RBPJ: variants seen among roughly 807,000 people sequenced by gnomAD.
RBPJ encodes recombination signal binding protein for immunoglobulin kappa J region.
RBPJ carries 9 observed loss-of-function variants against 67.8 expected under a neutral mutation model. The observed-to-expected ratio is 0.13, with a 90% confidence interval of 0.08 to 0.23. RBPJ has a LOEUF of 0.23. Ranked by LOEUF, RBPJ falls within the 10% of genes least tolerant of loss-of-function variation. The pLI is 1.00. For missense variants in RBPJ, 305 were observed against 595.6 expected, an observed-to-expected ratio of 0.51 and a Z score of 5.08; for synonymous variants, 198 against 203.3, an observed-to-expected ratio of 0.97 and a Z score of 0.22.
intron 1 of RBPJ, among the ~76,000 whole-genome samples, chr4:26,311,364 C>T (rs1012497393): frequency 3.9e-5 from 6 of 152,032 alleles, no homozygotes; most frequent in Admixed American, 6.6e-5. Context: ...TGATCAATTC[C>T]TATCTCTACT....
At chr4:26,107,735 TAAA>T in the RBPJ span, among the ~76,000 whole-genome samples, 2 of 152,048 alleles carry the variant, frequency 1.3e-5, no homozygotes, top group African/African-American at 2.4e-5. Flanking sequence ...CTATCTCTAC[TAAA>T]AATACAAAAA....
intron 1 of RBPJ, among the ~76,000 whole-genome samples, chr4:26,261,652 T>G (rs2109251020): frequency 6.6e-6 from 1 of 152,352 alleles, no homozygotes; most frequent in African/African-American, 2.4e-5. Flanking sequence ...ATGCTTTTCT[T>G]GCTACAGTGG....
chr4:26,129,054 A>G, the RBPJ span, among the ~76,000 whole-genome samples: 1 of 152,236 alleles, frequency 6.6e-6, no homozygotes, highest in Admixed American at 6.5e-5. Context: ...GACTAATACA[A>G]TGTCTGAAAA....
chr4:26,136,871 T>C, the RBPJ span, among the ~76,000 whole-genome samples: 1 of 152,306 alleles, frequency 6.6e-6, no homozygotes. Flanking sequence ...ATGAGAAAGG[T>C]CACACAGCCA....
rs1184171479 is a variant in RBPJ at position 26,409,531 on chromosome 4, G to A, written c.155+3261G>A. Among the ~76,000 whole-genome samples the A allele has an allele frequency of 3.3e-5, 5 of 151,974 alleles. 1 individual carries two copies. The highest frequency in any genetic ancestry group is 2.1e-4 in the South Asian group (1 of 4,826). On this transcript the variant is annotated intron_variant, in intron 3 of 10. Transcript: ENST00000355476. ...TTTTTTCTTTTTGAGACAGAGTCTC[G>A]CCTTGTTGCCCAGGCTGGAGTGCAG...
rs1560212086 is a variant in RBPJ, at chr4:26,210,723, C to CCTTCT, written c.-167+47109_-167+47110insCTTCT. Among the ~76,000 whole-genome samples, 22 of 86,672 alleles carry CCTTCT rather than the reference C, an allele frequency of 2.5e-4. 1 individual carries two copies. Among genetic ancestry groups the CCTTCT allele is most frequent in the South Asian group, 2.2e-3 (6 of 2,672 alleles). The allele number at this position is 86,672 out of a possible 152,430, so 56.9% of individuals were successfully genotyped here. On this transcript the variant is annotated intron_variant, in intron 1 of 4. Coordinates refer to the RBPJ transcript ENST00000512351. Reference sequence around the variant, plus strand: ...TCTTTCTTTCCTTCTTTCCTTCTTTCTTTCCTTCTTTACTTCTTTCCTTCT... The same window carrying CCTTCT: ...TCTTTCTTTCCTTCTTTCCTTCTTTCCTTCTTTTCCTTCTTTACTTCTTTCCTTCT...
At chr4:26,236,142 A>G (rs566908974) in intron 1 of RBPJ, among the ~76,000 whole-genome samples, 221 of 152,292 alleles carry the variant, frequency 1.5e-3, no homozygotes, top group African/African-American at 5.2e-3. Context: ...TTCTGGGGCA[A>G]TATTTTGGGG....
chr4:26,363,224 C>T (rs993816204), intron 1 of RBPJ, among the ~76,000 whole-genome samples: 2 of 152,104 alleles, frequency 1.3e-5, no homozygotes, highest in Non-Finnish European at 2.9e-5. Flanking sequence ...AGTGCAACCT[C>T]CACTTCCTGG....
the RBPJ span, among the ~76,000 whole-genome samples, chr4:26,142,814 T>C: frequency 6.6e-6 from 1 of 152,108 alleles, no homozygotes; most frequent in Non-Finnish European, 1.5e-5. Context: ...CAGAGTCTCG[T>C]TCTGTTGCCC....
At chr4:26,423,359 T>C (rs1735333475) in intron 5 of RBPJ, among the ~76,000 whole-genome samples, 1 of 152,164 alleles carries the variant, frequency 6.6e-6, no homozygotes, top group South Asian at 2.1e-4. Flanking sequence ...GAGTGGGAGA[T>C]AGTTTAGGAG....
chr4:26,433,508 A>C lies in RBPJ; in HGVS notation c.*2501A>C, dbSNP rs1736409430. The C allele has an allele frequency of 6.6e-6, 1 of 152,208 alleles. No individual in the cohort carries two copies. The highest frequency in any genetic ancestry group is 1.5e-5 in the Non-Finnish European group (1 of 68,034). 9.4% of individuals were successfully genotyped at this position (152,208 alleles called of 1,614,324 possible). The stretch of plus-strand genomic sequence containing the variant: ...TTTTTCAAGTTCATGACCTTATTAA[A>C]ATGAACTTGTGTTTTTTTAACAAAC... On this transcript the variant is annotated 3_prime_UTR_variant, in exon 11 of 11. Coordinates refer to ENST00000355476, the MANE Select transcript of RBPJ (RefSeq NM_015874.6).
In RBPJ at chr4:26,292,714, G is replaced by A. The variant is rs1470151539; in HGVS notation, c.-166-69732G>A. 2.0e-5 allele frequency among the ~76,000 whole-genome samples: 3 copies of A among 150,520 alleles called. 1 individual carries two copies. Among genetic ancestry groups the A allele is most frequent in the Non-Finnish European group, 3.0e-5 (2 of 67,532 alleles). ...CGGGATTACAGGTGCGAGCCACTGA[G>A]CCTGGCCAAAATCCTAACAGAATAA... On this transcript the variant is annotated intron_variant, in intron 1 of 4. Coordinates refer to the RBPJ transcript ENST00000512351.
At chr4:26,345,697 T>G (rs1333015189) in intron 1 of RBPJ, among the ~76,000 whole-genome samples, 1 of 152,220 alleles carries the variant, frequency 6.6e-6, no homozygotes, top group Non-Finnish European at 1.5e-5. Flanking sequence ...CTGCCTCAGT[T>G]GTACTCTCAG....
At chr4:26,373,454 G>A (rs1729373429) in intron 1 of RBPJ, among the ~76,000 whole-genome samples, 2 of 152,162 alleles carry the variant, frequency 1.3e-5, no homozygotes, top group African/African-American at 4.8e-5. Context: ...TATTGAAAAG[G>A]AAAGATGCAC....
At chr4:26,166,623 A>T (rs1477703931) in intron 1 of RBPJ, among the ~76,000 whole-genome samples, 1 of 152,138 alleles carries the variant, frequency 6.6e-6, no homozygotes, top group East Asian at 1.9e-4. Flanking sequence ...TATGAGCCCT[A>T]TGTCAGATGA....
At chr4:26,270,398 A>G (rs1560237787) in intron 1 of RBPJ, among the ~76,000 whole-genome samples, 25 of 76,574 alleles carry the variant, frequency 3.3e-4, no homozygotes, top group South Asian at 4.9e-4. Context: ...AGAAAGAAAG[A>G]AAGAAAGAAA....
At chr4:26,261,233 A>G (rs1720521592) in intron 1 of RBPJ, among the ~76,000 whole-genome samples, 1 of 152,202 alleles carries the variant, frequency 6.6e-6, no homozygotes, top group Admixed American at 6.5e-5. Flanking sequence ...GATTGCCAAA[A>G]AGAAAAGTGA....
At chr4:26,126,255 A>G in the RBPJ span, among the ~76,000 whole-genome samples, 2 of 152,218 alleles carry the variant, frequency 1.3e-5, no homozygotes, top group East Asian at 3.8e-4. Flanking sequence ...CCTCTTATGG[A>G]GGCTTTTAGC....
intron 2 of RBPJ, among the ~76,000 whole-genome samples, chr4:26,405,017 T>A (rs1015303888): frequency 6.6e-6 from 1 of 152,218 alleles, no homozygotes; most frequent in Non-Finnish European, 1.5e-5. Context: ...GTGGTAGGGA[T>A]TAGTTCTCAG....
Sources: allele counts gnomAD v4.1 joint callset (sites outside exome capture counted in the v4.1 genomes callset), GRCh38; gene constraint gnomAD v4.1.1; transcripts MANE v1.5; gene names NCBI Gene and HGNC (gene_info 2026-07-23, HGNC 2026-07-21).